Variants in RSPO4 observed in about 807,000 individuals in gnomAD.
The protein encoded by RSPO4 is R-spondin 4, also known as R-spondin-4.
RSPO4 carries 23 observed loss-of-function variants against 24.8 expected under a neutral mutation model. That is an observed-to-expected ratio of 0.93 (90% CI 0.67 to 1.31). RSPO4 has a LOEUF of 1.31. Ranked by LOEUF, RSPO4 falls within the 40% of genes most tolerant of loss-of-function variation. RSPO4 has a pLI of 0.00. For synonymous variants in RSPO4, 141 were observed against 127.4 expected, an observed-to-expected ratio of 1.11 and a Z score of -0.72; for missense variants, 333 against 316.5, an observed-to-expected ratio of 1.05 and a Z score of -0.39.
At chr20:993,104 T>G (rs1041835852) in intron 1 of RSPO4, among the ~76,000 whole-genome samples, 3 of 152,186 alleles carry the variant, frequency 2.0e-5, no homozygotes, top group African/African-American at 7.2e-5. Context: ...AAGTGGAGGC[T>G]TCCAGTGAAA....
In RSPO4 at chr20:964,101, G is replaced by C; in HGVS notation, c.429C>G (p.Pro143=). ...RECQGECELG[P]WGGWSPCTHN... ...GTGTGCAGGGGCTCCAGCCGCCCCAGGGACCCAGTTCACACTCCCCTGTGG... is the reference window on the plus strand; with the variant it reads ...GTGTGCAGGGGCTCCAGCCGCCCCACGGACCCAGTTCACACTCCCCTGTGG... The change falls in exon 4 of 5, where the codon CCC becomes CCG. Residue 143 remains proline, a synonymous_variant. Transcript: ENST00000217260. 6.2e-7 allele frequency: 1 copy of C among 1,613,070 alleles called. No individual in the cohort carries two copies. Among genetic ancestry groups the C allele is most frequent in the Non-Finnish European group, 8.5e-7 (1 of 1,179,628 alleles).
At chr20:965,559 G>A (rs1209804376) in intron 3 of RSPO4, among the ~76,000 whole-genome samples, 1 of 152,208 alleles carries the variant, frequency 6.6e-6, no homozygotes, top group Non-Finnish European at 1.5e-5. Flanking sequence ...GTGGAGACTG[G>A]GCTGGAGGGA....
intron 1 of RSPO4, among the ~76,000 whole-genome samples, chr20:999,477 C>A (rs998365148): frequency 7.2e-5 from 11 of 152,198 alleles, no homozygotes; most frequent in Admixed American, 1.3e-4. Flanking sequence ...CACTGCAGTG[C>A]CAGTGGGAAA....
intron 1 of RSPO4, among the ~76,000 whole-genome samples, chr20:983,206 C>G (rs1984796382): frequency 6.6e-6 from 1 of 152,152 alleles, no homozygotes; most frequent in Admixed American, 6.5e-5. Context: ...ACCTTTGCTC[C>G]TGTCCCACCT....
intron 1 of RSPO4, among the ~76,000 whole-genome samples, chr20:987,972 T>C (rs1481268190): frequency 6.6e-6 from 1 of 152,250 alleles, no homozygotes; most frequent in African/African-American, 2.4e-5. Flanking sequence ...AGGGAGATCA[T>C]TTCAGAGAAC....
chr20:965,829 T>C (rs1430304332), intron 3 of RSPO4, among the ~76,000 whole-genome samples: 3 of 152,206 alleles, frequency 2.0e-5, no homozygotes, highest in African/African-American at 7.2e-5. Context: ...TGTCCTTGAG[T>C]GCAGAGGCTT....
At chr20:984,900 C>CCCAT (rs145687007) in intron 1 of RSPO4, among the ~76,000 whole-genome samples, 2 of 147,216 alleles carry the variant, frequency 1.4e-5, no homozygotes, top group Admixed American at 6.8e-5. Context: ...TCTATCCATC[C>CCCAT]CCATCCATCC....
rs1023198272 is a variant in RSPO4, at chr20:963,962, A to T, written c.568T>A (p.Cys190Ser). 7 of 1,614,010 alleles carry T rather than the reference A, an allele frequency of 4.3e-6. No individual in the cohort carries two copies. Among genetic ancestry groups the T allele is most frequent in the Non-Finnish European group, 5.9e-6 (7 of 1,180,032 alleles). Residue 190 changes from cysteine (C) to serine (S), a missense_variant, in exon 4 of 5, where the codon TGT (cysteine) becomes AGT (serine). Transcript: ENST00000217260. ...CCTGGGCAGGGCCTCTGGATGGGAC[A>T]TTTCCTTGACTCAGAAAGCACCTGG... ...TCQVLSESRK[C>S]PIQRPCPGER...
Position 960,017 on chromosome 20 carries a change from A to G in RSPO4, c.*340T>C. The G allele has an allele frequency of 2.6e-6, 1 of 387,502 alleles. No homozygotes were observed. The highest frequency in any genetic ancestry group is 2.1e-5 in the African/African-American group (1 of 48,606). 24.0% of individuals were successfully genotyped at this position (387,502 alleles called of 1,614,324 possible). On this transcript the variant is annotated 3_prime_UTR_variant, in exon 5 of 5. Transcript: ENST00000217260. ...CATGGTCCCTCTTAAAGTGTGTGTG[A>G]GAGGGAGACAAGAGGAGGGAGAGAG...
rs902124349 is a variant in RSPO4 at position 970,465 on chromosome 20, T to C, written c.80-2327A>G. On this transcript the variant is annotated intron_variant, in intron 1 of 4. Transcript: ENST00000217260. This position sits in a 1 kb window ranked among gnomAD's most constrained non-coding sequence, Gnocchi z 4.1. ...ACAGTAACTAAAGTGTACCCTGGGA[T>C]GCTGTTCCCAAGCAAAGTTGGCATT... Among the ~76,000 whole-genome samples, 1 of 152,074 alleles carries C rather than the reference T, an allele frequency of 6.6e-6. No homozygotes were observed. Among genetic ancestry groups the C allele is most frequent in the Non-Finnish European group, 1.5e-5 (1 of 68,024 alleles).
intron 1 of RSPO4, among the ~76,000 whole-genome samples, chr20:969,820 G>C (rs1401982111): frequency 2.0e-5 from 3 of 152,178 alleles, no homozygotes; most frequent in African/African-American, 2.4e-5. Flanking sequence ...GGCAGCTTTT[G>C]AGAGGCAGCA....
Position 964,303 on chromosome 20 carries a change from C to T in RSPO4, c.410-183G>A, listed in dbSNP as rs149490523. Among the ~76,000 whole-genome samples the T allele has an allele frequency of 1.0e-3, 155 of 152,260 alleles. 1 individual carries two copies. The highest frequency in any genetic ancestry group is 3.6e-3 in the African/African-American group (150 of 41,548). On this transcript the variant is annotated intron_variant, in intron 3 of 4. Transcript: ENST00000217260. The stretch of plus-strand genomic sequence containing the variant: ...AATGAGAGCGAAACGAATGCATGCA[C>T]AGACTAATATGGGCCTGAAGCCAGA...
At chr20:985,302 CATCT>C (rs1360376800) in intron 1 of RSPO4, among the ~76,000 whole-genome samples, 24 of 151,646 alleles carry the variant, frequency 1.6e-4, no homozygotes, top group Admixed American at 7.2e-4. Flanking sequence ...TCCATCCATC[CATCT>C]ATCCACCCAC....
intron 1 of RSPO4, among the ~76,000 whole-genome samples, chr20:998,576 C>G (rs985845442): frequency 2.0e-5 from 3 of 152,192 alleles, no homozygotes; most frequent in African/African-American, 7.2e-5. Flanking sequence ...CAAGCAGGCT[C>G]AGAGAGGGCA....
rs528738144 is a variant in RSPO4, at chr20:987,833, G to A, written c.79+14253C>T. On this transcript the variant is annotated intron_variant, in intron 1 of 4. Transcript: ENST00000217260. Reference sequence around the variant, plus strand: ...AAATGGACACAATCACCCACCCACTGAAAAGCTTGTTCCTTCCACAGATAT... The same window carrying A: ...AAATGGACACAATCACCCACCCACTAAAAAGCTTGTTCCTTCCACAGATAT... Among the ~76,000 whole-genome samples, 18 of 152,288 alleles carry A rather than the reference G, an allele frequency of 1.2e-4. No individual in the cohort carries two copies. In the South Asian group the frequency reaches 3.1e-3, roughly 26 times the overall value.
rs776684603 is a variant in RSPO4, at chr20:967,136, G to A, written c.409+38C>T. 5.0e-6 allele frequency: 8 copies of A among 1,601,460 alleles called. No individual in the cohort carries two copies. The African/African-American group carries it at 6.7e-5, about 13-fold the overall frequency. On this transcript the variant is annotated intron_variant, in intron 3 of 4. Coordinates refer to ENST00000217260, the MANE Select transcript of RSPO4 (RefSeq NM_001029871.4). The stretch of plus-strand genomic sequence containing the variant: ...CACCAAGCCCCCGCTCCAGGGAGAG[G>A]GGAGGGGCAGGGGCAGGGCGGGGAG...
intron 4 of RSPO4, among the ~76,000 whole-genome samples, chr20:962,140 G>A (rs472184): frequency 2.8e-3 from 432 of 152,268 alleles, no homozygotes; most frequent in African/African-American, 9.4e-3. Flanking sequence ...AGCCCTTGCC[G>A]TCACTGGAGA....
At chr20:983,601 T>G (rs1464713415) in intron 1 of RSPO4, among the ~76,000 whole-genome samples, 1 of 152,196 alleles carries the variant, frequency 6.6e-6, no homozygotes, top group Non-Finnish European at 1.5e-5. Flanking sequence ...TTTGTGGGAC[T>G]CTGGAGCCTG....
At chr20:978,619 C>T (rs1044296416) in intron 1 of RSPO4, among the ~76,000 whole-genome samples, 16 of 152,204 alleles carry the variant, frequency 1.1e-4, no homozygotes, top group Non-Finnish European at 1.5e-4. Flanking sequence ...CAGGCCCATA[C>T]GAATGTGGAG....
Sources: allele counts gnomAD v4.1 joint callset (sites outside exome capture counted in the v4.1 genomes callset), GRCh38; gene constraint gnomAD v4.1.1; non-coding constraint Gnocchi (gnomAD v3.1); transcripts MANE v1.5; gene names NCBI Gene and HGNC (gene_info 2026-07-23, HGNC 2026-07-21).